SHQ1: variants seen among roughly 807,000 people sequenced by gnomAD.
The protein encoded by SHQ1 is SHQ1, H/ACA ribonucleoprotein assembly factor.
SHQ1 carries 49 observed loss-of-function variants against 53.8 expected under a neutral mutation model. That is an observed-to-expected ratio of 0.91 (90% CI 0.72 to 1.16). The LOEUF (loss-of-function observed/expected upper bound fraction) is 1.16, where lower values mean the gene tolerates loss of function less well. Among genes scored for constraint, SHQ1 ranks in the 50% most tolerant of loss-of-function variants. SHQ1 has a pLI of 0.00. For synonymous variants in SHQ1, 243 were observed against 251.0 expected (o/e 0.97, Z 0.30); for missense variants, 738 against 683.1 (o/e 1.08, Z -0.90).
At chr3:72,783,345 C>G (rs1391915266) in intron 10 of SHQ1, among the ~76,000 whole-genome samples, 1 of 151,436 alleles carries the variant, frequency 6.6e-6, no homozygotes, top group Non-Finnish European at 1.5e-5. Flanking sequence ...AAGGCCTTGC[C>G]CAATTTATTT....
chr3:72,735,757 GC>G, the SHQ1 span, among the ~76,000 whole-genome samples: 1 of 85,774 alleles, frequency 1.2e-5, no homozygotes, highest in Non-Finnish European at 2.6e-5. Flanking sequence ...AGGAAGGCAG[GC>G]AGGCAGGCAG....
chr3:72,793,754 G>T (rs1393645071), intron 9 of SHQ1: 1 of 152,090 alleles, frequency 6.6e-6, no homozygotes, highest in Admixed American at 6.5e-5. Context: ...TATTTCTTAT[G>T]TCAACATTTT....
At chr3:72,784,396 C>T (rs1183180949) in intron 10 of SHQ1, among the ~76,000 whole-genome samples, 4 of 152,142 alleles carry the variant, frequency 2.6e-5, no homozygotes, top group African/African-American at 4.8e-5. Flanking sequence ...TGCTGAGCTA[C>T]TGGTGATAAG....
downstream of SHQ1, among the ~76,000 whole-genome samples, chr3:72,746,144 C>T (rs1278541742): frequency 3.3e-5 from 5 of 152,152 alleles, no homozygotes; most frequent in Non-Finnish European, 5.9e-5. Flanking sequence ...CGCCCAGCCC[C>T]GTTTCTAAGA....
intron 10 of SHQ1, among the ~76,000 whole-genome samples, chr3:72,759,361 C>T (rs577624023): frequency 1.3e-5 from 2 of 152,098 alleles, no homozygotes; most frequent in Admixed American, 6.6e-5. Flanking sequence ...AAATGGAGAC[C>T]AAAATTTAAT....
intron 9 of SHQ1, among the ~76,000 whole-genome samples, chr3:72,801,491 G>A (rs1361132084): frequency 1.3e-5 from 2 of 152,124 alleles, no homozygotes; most frequent in Non-Finnish European, 1.5e-5. Flanking sequence ...GGAGTATATA[G>A]GAAGAAAGAC....
chr3:72,788,060 G>A (rs1026735313), intron 10 of SHQ1, among the ~76,000 whole-genome samples: 4 of 152,150 alleles, frequency 2.6e-5, no homozygotes, highest in Admixed American at 6.5e-5. Context: ...ATCTCGGCTC[G>A]CTACAACCTC....
intron 9 of SHQ1, among the ~76,000 whole-genome samples, chr3:72,807,858 C>T (rs1393612642): frequency 6.6e-6 from 1 of 152,090 alleles, no homozygotes; most frequent in Non-Finnish European, 1.5e-5. Flanking sequence ...GTTTATTGAG[C>T]CCAATTAATA....
chr3:72,827,753 CTTT>C (rs397877851), intron 5 of SHQ1, among the ~76,000 whole-genome samples: 2 of 111,676 alleles, frequency 1.8e-5, no homozygotes, highest in Admixed American at 9.1e-5. Context: ...TTTTTCAAGA[CTTT>C]TTTTTTTTTT....
chr3:72,842,430 G>C (rs771731063), intron 2 of SHQ1, 28 bp from the exon 3 acceptor site: 1 of 1,604,364 alleles, frequency 6.2e-7, no homozygotes, highest in Non-Finnish European at 8.5e-7. Context: ...TTTATGCTTA[G>C]ATTAAAATAT....
chr3:72,775,549 G>A (rs886583999), intron 10 of SHQ1, among the ~76,000 whole-genome samples: 5 of 148,912 alleles, frequency 3.4e-5, no homozygotes, highest in Non-Finnish European at 7.4e-5. Flanking sequence ...GAACAGAAAA[G>A]GCAATGTTAA....
At chr3:72,793,137 T>A in intron 9 of SHQ1, 101 bp from the exon 10 acceptor site, 1 of 1,096,226 alleles carries the variant, frequency 9.1e-7, no homozygotes, top group Admixed American at 2.6e-5. Flanking sequence ...GATCATTTCT[T>A]AAGAACATTT....
chr3:72,828,150 T>G (rs1707718411), intron 5 of SHQ1, among the ~76,000 whole-genome samples: 1 of 152,214 alleles, frequency 6.6e-6, no homozygotes, highest in Non-Finnish European at 1.5e-5. Context: ...AACTCACTTC[T>G]GCCCTTAAGG....
At chr3:72,844,556 A>G in intron 1 of SHQ1, 133 bp from the exon 2 acceptor site, 1 of 752,928 alleles carries the variant, frequency 1.3e-6, no homozygotes, top group East Asian at 2.7e-5. Flanking sequence ...TTTCTTTCAC[A>G]TTTTAATAAA....
chr3:72,807,339 A>G (rs1349354753), intron 9 of SHQ1, among the ~76,000 whole-genome samples: 3 of 152,206 alleles, frequency 2.0e-5, no homozygotes, highest in Non-Finnish European at 4.4e-5. Context: ...TAGAACTATT[A>G]TATCTTCAGG....
At position 72,809,288 on chromosome 3, in the gene SHQ1, A is replaced by G. The variant is rs1357924559; in HGVS notation, c.1060+3383T>C. ...TCTTTTGTAATGAAGTTCAAAGTGG[A>G]CATTTTAAGCACTGAAATTAGACTC... On this transcript the variant is annotated intron_variant, in intron 9 of 10. Coordinates refer to ENST00000325599, the MANE Select transcript of SHQ1 (RefSeq NM_018130.3). Among the ~76,000 whole-genome samples the G allele has an allele frequency of 2.6e-5, 4 of 152,214 alleles. No individual in the cohort carries two copies. In the East Asian group the frequency reaches 7.7e-4, roughly 29 times the overall value.
chr3:72,729,042 C>T, the SHQ1 span, among the ~76,000 whole-genome samples: 1 of 152,356 alleles, frequency 6.6e-6, no homozygotes, highest in Admixed American at 6.5e-5. Context: ...CCTCCCTCCA[C>T]TCCAGGTTGG....
intron 6 of SHQ1, among the ~76,000 whole-genome samples, chr3:72,818,781 G>A (rs1419976514): frequency 6.6e-6 from 1 of 152,168 alleles, no homozygotes; most frequent in Non-Finnish European, 1.5e-5. Context: ...GAAATAAGAT[G>A]TCACATGGTG....
In SHQ1 at chr3:72,772,508, C is replaced by G. The variant is rs1444168984; in HGVS notation, c.1181+20408G>C. 8.5e-6 allele frequency: 5 copies of G among 588,954 alleles called. No homozygotes were observed. In the African/African-American group the frequency reaches 9.2e-5, roughly 11 times the overall value. The allele number at this position is 588,954 out of a possible 1,614,324, so 36.5% of individuals were successfully genotyped here. A position where few individuals can be genotyped will look rare whatever the true frequency, so the allele number is the denominator to read the frequency against. On this transcript the variant is annotated intron_variant, in intron 10 of 10. Transcript: ENST00000325599. ...ATACAGATGCATCTGGACCCTCAGACAGTGATATGACAAGTCGTACACAAC... is the reference window on the plus strand; with the variant it reads ...ATACAGATGCATCTGGACCCTCAGAGAGTGATATGACAAGTCGTACACAAC...
Sources: gnomAD v4.1 joint callset for allele counts (sites outside exome capture counted in the v4.1 genomes callset) on GRCh38, gnomAD v4.1.1 for gene constraint, MANE v1.5 for transcripts, NCBI Gene and HGNC (gene_info 2026-07-23, HGNC 2026-07-21) for gene names.